MS4A14: variants seen among roughly 807,000 people sequenced by gnomAD.
MS4A14 encodes the protein membrane spanning 4-domains A14.
In MS4A14, 18 loss-of-function variants were observed where a neutral mutation model predicts 16.7. The ratio of observed to expected loss-of-function variants is 1.08; its 90% CI spans 0.75 to 1.60. The LOEUF (loss-of-function observed/expected upper bound fraction) is 1.60, where lower values mean the gene tolerates loss of function less well. Ranked by LOEUF, MS4A14 falls within the 40% of genes most tolerant of loss-of-function variation. The pLI, the probability that MS4A14 is intolerant of heterozygous loss-of-function variation, is 0.00. For missense variants in MS4A14, 812 were observed against 775.3 expected (o/e 1.05, Z -0.56); for synonymous variants, 305 against 289.4 (o/e 1.05, Z -0.55).
Position 60,415,852 on chromosome 11 carries a change from A to G in MS4A14, c.884A>G (p.Gln295Arg). ...TCTCAAATGCAAACCAAGCTTCTGCAGGACCAAGCTGCGTCACTCCAAGTT... is the reference window on the plus strand; with the variant it reads ...TCTCAAATGCAAACCAAGCTTCTGCGGGACCAAGCTGCGTCACTCCAAGTT... ...QPSQMQTKLL[Q>R]DQAASLQVFP... Residue 295 changes from glutamine (Q) to arginine (R), a missense_variant, in exon 5 of 5, where the codon CAG becomes CGG. Coordinates refer to ENST00000300187, the MANE Select transcript of MS4A14 (RefSeq NM_032597.5). 6.2e-7 allele frequency: 1 copy of G among 1,613,968 alleles called. No individual in the cohort carries two copies. The highest frequency in any genetic ancestry group is 8.5e-7 in the Non-Finnish European group (1 of 1,179,920).
chr11:60,406,681 T>A (rs1292185958), intron 4 of MS4A14, among the ~76,000 whole-genome samples: 1 of 152,200 alleles, frequency 6.6e-6, no homozygotes, highest in African/African-American at 2.4e-5. Flanking sequence ...TCTCTCTTTT[T>A]TTTACATCAA....
chr11:60,410,872 G>T (rs1410850152), intron 4 of MS4A14, among the ~76,000 whole-genome samples: 1 of 151,758 alleles, frequency 6.6e-6, no homozygotes, highest in African/African-American at 2.4e-5. Context: ...TTTTGATGGA[G>T]TCTTGCTCTG....
chr11:60,409,033 T>C (rs2085829235), intron 4 of MS4A14, among the ~76,000 whole-genome samples: 1 of 152,198 alleles, frequency 6.6e-6, no homozygotes, highest in Non-Finnish European at 1.5e-5. Context: ...GATTGACACA[T>C]AATTGTACAT....
At chr11:60,414,239 A>T (rs1281793112) in intron 4 of MS4A14, among the ~76,000 whole-genome samples, 2 of 152,148 alleles carry the variant, frequency 1.3e-5, no homozygotes, top group Non-Finnish European at 2.9e-5. Context: ...AAGTTTGAGG[A>T]TTCTTAGAAA....
intron 2 of MS4A14, among the ~76,000 whole-genome samples, chr11:60,400,173 C>T (rs1346301830): frequency 6.6e-6 from 1 of 152,152 alleles, no homozygotes; most frequent in Non-Finnish European, 1.5e-5. Flanking sequence ...GAGGAGCCTG[C>T]CTGTCCCAGT....
chr11:60,404,498 C>G (rs550384715), intron 4 of MS4A14: 7 of 454,898 alleles, frequency 1.5e-5, no homozygotes, highest in African/African-American at 1.0e-4. Context: ...AACAGCCTTA[C>G]CAAACCCTGT....
chr11:60,397,930 A>G lies in MS4A14; in HGVS notation c.217A>G (p.Arg73Gly), dbSNP rs753911510. 24 of 1,613,624 alleles carry G rather than the reference A, an allele frequency of 1.5e-5. No individual in the cohort carries two copies. The highest frequency in any genetic ancestry group is 1.9e-5 in the Non-Finnish European group (23 of 1,179,710). ...FALNYIGFSQ[R>G]LPLVVLTGYP... Reference sequence around the variant, plus strand: ...ACTTAATTACATCGGTTTCTCCCAAAGACTTCCCCTTGTTGTCCTCACAGG... The same window carrying G: ...ACTTAATTACATCGGTTTCTCCCAAGGACTTCCCCTTGTTGTCCTCACAGG... Residue 73 changes from arginine to glycine, a missense_variant, in exon 2 of 5, where the codon AGA (arginine) becomes GGA (glycine). Physicochemically the swap from Arg to Gly is moderately radical, Grantham distance 125. Transcript: ENST00000300187.
At chr11:60,396,848 C>T in intron 1 of MS4A14, 132 bp downstream of exon 1, 1 of 930,090 alleles carries the variant, frequency 1.1e-6, no homozygotes, top group Non-Finnish European at 1.6e-6. Flanking sequence ...CTTCACCTTA[C>T]ATGAGAAATT....
At chr11:60,410,618 T>C (rs1447725801) in intron 4 of MS4A14, among the ~76,000 whole-genome samples, 2 of 152,298 alleles carry the variant, frequency 1.3e-5, no homozygotes, top group African/African-American at 2.4e-5. Context: ...TGTTTGTATA[T>C]GGTATAAGGT....
In MS4A14 at chr11:60,415,418, C is replaced by A; in HGVS notation, c.469-19C>A. ...ACATGATTCTGTCATATTAATTACC[C>A]TCATCCTTGCTTTTATAGGTTCTGT... On this transcript the variant is annotated intron_variant, in intron 4 of 4. Coordinates refer to ENST00000300187, the MANE Select transcript of MS4A14 (RefSeq NM_032597.5). The A allele has an allele frequency of 6.4e-7, 1 of 1,571,322 alleles. No homozygotes were observed. Among genetic ancestry groups the A allele is most frequent in the Non-Finnish European group, 8.6e-7 (1 of 1,163,748 alleles).
rs1272796154 is a variant in MS4A14, at chr11:60,415,550, A to T, written c.582A>T (p.Thr194=). The part of the protein sequence containing the change: ...LQEEFSSDDS[T]TNAQSVIFGG... ...AAGAGTTTTCCAGTGATGATTCAAC[A>T]ACAAATGCACAATCTGTTATCTTTG... Residue 194 remains threonine, a synonymous_variant, in exon 5 of 5, where the codon ACA becomes ACT. Transcript: ENST00000300187. The T allele has an allele frequency of 6.2e-7, 1 of 1,613,702 alleles. No homozygotes were observed. Among genetic ancestry groups the T allele is most frequent in the East Asian group, 2.2e-5 (1 of 44,874 alleles).
intron 3 of MS4A14, among the ~76,000 whole-genome samples, chr11:60,401,568 C>A (rs1042603501): frequency 6.6e-6 from 1 of 152,200 alleles, no homozygotes; most frequent in Non-Finnish European, 1.5e-5. Context: ...AGCCCTTCCA[C>A]AAACCGTGAA....
chr11:60,417,033 A>G lies in MS4A14; in HGVS notation c.*25A>G, dbSNP rs1204261448. ...ACTCAGGGCTGGAGAAACAAAGATT[A>G]TAAAGCACGAGAATGGCAATTTGAA... On this transcript the variant is annotated 3_prime_UTR_variant, in exon 5 of 5. Transcript: ENST00000300187. The G allele has an allele frequency of 6.3e-7, 1 of 1,587,372 alleles. No homozygotes were observed. Among genetic ancestry groups the G allele is most frequent in the East Asian group, 2.2e-5 (1 of 44,658 alleles).
In MS4A14 at chr11:60,397,897, A is replaced by G. The variant is rs1358684242; in HGVS notation, c.184A>G (p.Ile62Val). ...LALIIVGFGT[I>V]FALNYIGFSQ... ...TCTAATCATTGTGGGCTTTGGAACT[A>G]TATTTGCACTTAATTACATCGGTTT... Residue 62 changes from isoleucine to valine, a missense_variant, in exon 2 of 5, where the codon ATA (isoleucine) becomes GTA (valine). Transcript: ENST00000300187. 1 of 1,613,404 alleles carries G rather than the reference A, an allele frequency of 6.2e-7. No individual in the cohort carries two copies. Among genetic ancestry groups the G allele is most frequent in the Non-Finnish European group, 8.5e-7 (1 of 1,179,476 alleles).
intron 3 of MS4A14, 109 bp downstream of exon 3, chr11:60,400,563 T>A: frequency 1.5e-6 from 1 of 678,996 alleles, no homozygotes. Context: ...TCTGTATGCA[T>A]CAAAGTTGCA....
At chr11:60,402,170 C>A (rs1230070353) in intron 3 of MS4A14, among the ~76,000 whole-genome samples, 5 of 150,430 alleles carry the variant, frequency 3.3e-5, no homozygotes. Flanking sequence ...CACCCACCCA[C>A]ACCCCCCTCC....
chr11:60,414,955 A>G (rs1338537161), intron 4 of MS4A14, among the ~76,000 whole-genome samples: 1 of 152,110 alleles, frequency 6.6e-6, no homozygotes, highest in Non-Finnish European at 1.5e-5. Context: ...ATAAAGCACT[A>G]AGTACCTATT....
At chr11:60,398,151 C>G in intron 2 of MS4A14, 171 bp downstream of exon 2, 2 of 564,478 alleles carry the variant, frequency 3.5e-6, no homozygotes, top group Non-Finnish European at 6.1e-6. Context: ...CTACCATCAT[C>G]ATTGTAATAA....
chr11:60,411,744 G>A (rs1274797811), intron 4 of MS4A14, among the ~76,000 whole-genome samples: 1 of 151,866 alleles, frequency 6.6e-6, no homozygotes, highest in Non-Finnish European at 1.5e-5. Flanking sequence ...TTTCTAATTT[G>A]GATGAATTTT....
Sources: gnomAD v4.1 joint callset for allele counts (sites outside exome capture counted in the v4.1 genomes callset) on GRCh38, gnomAD v4.1.1 for gene constraint, MANE v1.5 for transcripts, NCBI Gene and HGNC (gene_info 2026-07-23, HGNC 2026-07-21) for gene names.